ACBD3: variants seen among roughly 807,000 people sequenced by gnomAD.
ACBD3 encodes Golgi resident protein GCP60.
A neutral mutation model predicts 66.9 loss-of-function variants in ACBD3; 30 were observed. The observed-to-expected ratio is 0.45, with a 90% CI of 0.34 to 0.61. The LOEUF (loss-of-function observed/expected upper bound fraction) is 0.61. ACBD3 is among the 20% of genes least tolerant of loss of function. ACBD3 has a pLI of 0.02. For missense variants in ACBD3, 544 were observed against 664.5 expected (o/e 0.82, Z 1.99); for synonymous variants, 278 against 259.8 (o/e 1.07, Z -0.68).
intron 7 of ACBD3, among the ~76,000 whole-genome samples, chr1:226,152,034 A>G (rs1659583956): frequency 6.6e-6 from 1 of 152,066 alleles, no homozygotes; most frequent in South Asian, 2.1e-4. Flanking sequence ...TTTTGAAGTA[A>G]TCTTGCATAT....
chr1:226,176,957 G>C (rs570983317), intron 1 of ACBD3, among the ~76,000 whole-genome samples: 143 of 152,218 alleles, frequency 9.4e-4, no homozygotes, highest in Non-Finnish European at 1.6e-3. Context: ...AACATGTCCA[G>C]CAACTTTGAG....
chr1:226,176,560 T>C (rs887488758), intron 1 of ACBD3, among the ~76,000 whole-genome samples: 1 of 152,192 alleles, frequency 6.6e-6, no homozygotes, highest in African/African-American at 2.4e-5. Context: ...TGGTTTTTGT[T>C]TGCTTTGCTT....
At chr1:226,180,826 C>A (rs775350533) in intron 1 of ACBD3, among the ~76,000 whole-genome samples, 3 of 152,070 alleles carry the variant, frequency 2.0e-5, no homozygotes, top group Non-Finnish European at 4.4e-5. Flanking sequence ...TGGTGAAACC[C>A]TGTCTGTACT....
intron 1 of ACBD3, among the ~76,000 whole-genome samples, chr1:226,169,556 CTATTT>C (rs1185624491): frequency 2.2e-5 from 2 of 91,090 alleles, no homozygotes; most frequent in Non-Finnish European, 4.2e-5. Flanking sequence ...GACTGCCTGG[CTATTT>C]TTTTTTTTTT....
At position 226,161,596 on chromosome 1, in the gene ACBD3, C is replaced by T. The variant is rs191893895; in HGVS notation, c.663G>A (p.Arg221=). 2.1e-5 allele frequency: 34 copies of T among 1,614,066 alleles called. No individual in the cohort carries two copies. The South Asian group carries it at 3.6e-4, about 17-fold the overall frequency. Residue 221 remains arginine (R), a synonymous_variant, in exon 4 of 8, where the codon AGG becomes AGA. Coordinates refer to ENST00000366812, the MANE Select transcript of ACBD3 (RefSeq NM_022735.4). Reference sequence around the variant, plus strand: ...TCCTTTCCTCTTCCTCCCGTCGAAGCCTTTCCTCTTCTTCTCTCCTACGTT... The same window carrying T: ...TCCTTTCCTCTTCCTCCCGTCGAAGTCTTTCCTCTTCTTCTCTCCTACGTT... ...EEKRRREEEE[R]LRREEEERRR...
chr1:226,177,020 T>C (rs1284068063), intron 1 of ACBD3, among the ~76,000 whole-genome samples: 1 of 152,204 alleles, frequency 6.6e-6, no homozygotes, highest in Non-Finnish European at 1.5e-5. Flanking sequence ...TAATTGGTAA[T>C]GTACCGAAGA....
intron 1 of ACBD3, among the ~76,000 whole-genome samples, chr1:226,182,010 C>T (rs917198381): frequency 6.6e-6 from 1 of 151,992 alleles, no homozygotes; most frequent in Non-Finnish European, 1.5e-5. Context: ...GCGGGTGAAT[C>T]GCTTGAGCTC....
intron 7 of ACBD3, 110 bp downstream of exon 7, chr1:226,152,225 T>C: frequency 1.4e-6 from 2 of 1,410,920 alleles, no homozygotes; most frequent in Non-Finnish European, 1.9e-6. Flanking sequence ...AAGTGTTCCC[T>C]AACCATGAAG....
intron 1 of ACBD3, among the ~76,000 whole-genome samples, chr1:226,171,937 C>G (rs923889180): frequency 6.6e-6 from 1 of 151,550 alleles, no homozygotes; most frequent in South Asian, 2.1e-4. Context: ...GGGTGGATCA[C>G]CTGAGGTCAG....
chr1:226,165,306 GATTA>G (rs1389322859), intron 2 of ACBD3, among the ~76,000 whole-genome samples: 2 of 152,020 alleles, frequency 1.3e-5, no homozygotes, highest in African/African-American at 2.4e-5. Context: ...GAGTAGGTAG[GATTA>G]CAGGCATGTG....
chr1:226,159,947 C>A (rs1405453433), intron 4 of ACBD3, among the ~76,000 whole-genome samples: 4 of 152,094 alleles, frequency 2.6e-5, no homozygotes, highest in Non-Finnish European at 5.9e-5. Context: ...ACAGGTGGCC[C>A]TGGTAAGTAT....
In ACBD3 at chr1:226,154,745, A is replaced by G. The variant is rs141535126; in HGVS notation, c.992T>C (p.Met331Thr). Reference protein sequence around the residue: ...SKVNATVPSNMMSVNGQAKTH... With the variant: ...SKVNATVPSNTMSVNGQAKTH... Reference sequence around the variant, plus strand: ...TTTGGCCTGTCCATTAACTGACATCATATTACTTGGTACAGTTGCATTCAC... The same window carrying G: ...TTTGGCCTGTCCATTAACTGACATCGTATTACTTGGTACAGTTGCATTCAC... The change falls in exon 6 of 8, where the codon ATG becomes ACG. Residue 331 changes from methionine to threonine, a missense_variant. Physicochemically the swap from Met to Thr is moderately conservative, Grantham distance 81. Around this residue, in one of 3 missense-constraint regions of ACBD3, gnomAD observed 383 missense variants for 462.4 expected, o/e 0.83. Transcript: ENST00000366812. The G allele has an allele frequency of 4.8e-4, 777 of 1,613,892 alleles. 2 individuals are homozygous for G. In the African/African-American group the frequency reaches 8.8e-3, roughly 18 times the overall value.
chr1:226,146,733 A>T lies in ACBD3; in HGVS notation c.1464T>A (p.His488Gln). 1 of 1,614,084 alleles carries T rather than the reference A, an allele frequency of 6.2e-7. No individual in the cohort carries two copies. Among genetic ancestry groups the T allele is most frequent in the Non-Finnish European group, 8.5e-7 (1 of 1,180,020 alleles). Reference protein sequence around the residue: ...EIVPVYRRDCHEEVYAGSHQY... With the variant: ...EIVPVYRRDCQEEVYAGSHQY... ...GATGGCTGCCAGCATACACCTCCTCATGACAGTCCCGTCGGTACACAGGCA... is the reference window on the plus strand; with the variant it reads ...GATGGCTGCCAGCATACACCTCCTCTTGACAGTCCCGTCGGTACACAGGCA... Residue 488 changes from histidine to glutamine, a missense_variant, in exon 8 of 8, where the codon CAT (histidine) becomes CAA (glutamine). This residue lies in a region of ACBD3 where 383 missense variants were observed against 462.4 expected (regional missense o/e 0.83). Coordinates refer to ENST00000366812, the MANE Select transcript of ACBD3 (RefSeq NM_022735.4).
At chr1:226,173,622 A>G (rs2102787269) in intron 1 of ACBD3, among the ~76,000 whole-genome samples, 1 of 152,122 alleles carries the variant, frequency 6.6e-6, no homozygotes, top group South Asian at 2.1e-4. Context: ...TTCACAATCT[A>G]TATTGCTATG....
intron 7 of ACBD3, among the ~76,000 whole-genome samples, chr1:226,147,404 T>G (rs1659476947): frequency 6.6e-6 from 1 of 152,182 alleles, no homozygotes; most frequent in African/African-American, 2.4e-5. Flanking sequence ...CCTATCTCTT[T>G]CTGTGCTTAC....
chr1:226,186,311 A>G lies in ACBD3; in HGVS notation c.286+79T>C. 5.6e-6 allele frequency: 8 copies of G among 1,424,506 alleles called. No homozygotes were observed. In the South Asian group the frequency reaches 1.0e-4, roughly 18 times the overall value. 88.2% of individuals were successfully genotyped at this position (1,424,506 alleles called of 1,614,324 possible). A position where few individuals can be genotyped will look rare whatever the true frequency, so the allele number is the denominator to read the frequency against. ...GAGTGGGTGAGGGCAAGTCTGGTCC[A>G]GTCACCCTGGGGACCACAGCCCACG... On this transcript the variant is annotated intron_variant, in intron 1 of 7. Transcript: ENST00000366812.
chr1:226,166,219 G>C (rs975068281), intron 1 of ACBD3, among the ~76,000 whole-genome samples: 1 of 149,716 alleles, frequency 6.7e-6, no homozygotes, highest in African/African-American at 2.5e-5. Flanking sequence ...GCAATGGTGT[G>C]ATGAAGGCTC....
At chr1:226,176,884 T>TA (rs1558131104) in intron 1 of ACBD3, among the ~76,000 whole-genome samples, 3 of 152,180 alleles carry the variant, frequency 2.0e-5, no homozygotes, top group African/African-American at 2.4e-5. Flanking sequence ...TCAGTAAATT[T>TA]AAAAAAACAG....
intron 1 of ACBD3, among the ~76,000 whole-genome samples, chr1:226,180,857 G>A (rs987877786): frequency 2.0e-5 from 3 of 152,068 alleles, no homozygotes; most frequent in African/African-American, 7.2e-5. Flanking sequence ...AAATTAGCTG[G>A]GCGTAGTGGC....
Sources: allele counts gnomAD v4.1 joint callset (sites outside exome capture counted in the v4.1 genomes callset), GRCh38; gene constraint gnomAD v4.1.1; regional missense constraint gnomAD v4.1.1; transcripts MANE v1.5; gene names NCBI Gene and HGNC (gene_info 2026-07-23, HGNC 2026-07-21).